The following GRID1 variants were observed in gnomAD, a reference collection of about 807,000 sequenced individuals.
GRID1 encodes the protein glutamate ionotropic receptor delta type subunit 1, also known as glutamate receptor ionotropic, delta-1.
A neutral mutation model predicts 98.0 loss-of-function variants in GRID1; 28 were observed. That is an observed-to-expected ratio of 0.29 (90% confidence interval 0.21 to 0.39). GRID1 has a LOEUF of 0.39. GRID1 is among the 10% of genes least tolerant of loss of function. The probability of loss-of-function intolerance (pLI) is 1.00; values close to 1 mark genes in which losing one functional copy is unlikely to be tolerated. For missense variants in GRID1, 1,111 were observed against 1,340.5 expected, an observed-to-expected ratio of 0.83 and a Z score of 2.67; for synonymous variants, 553 against 538.5, an observed-to-expected ratio of 1.03 and a Z score of -0.37.
intron 4 of GRID1, among the ~76,000 whole-genome samples, chr10:86,124,995 C>T (rs570717760): frequency 6.6e-6 from 1 of 152,314 alleles, no homozygotes; most frequent in Admixed American, 6.5e-5. Context: ...CTTCAGGGAG[C>T]AATCATAAGA....
intron 2 of GRID1, among the ~76,000 whole-genome samples, chr10:86,334,665 T>C (rs1196861645): frequency 1.3e-5 from 2 of 152,250 alleles, no homozygotes; most frequent in Non-Finnish European, 2.9e-5. Context: ...TGCTGGGTTC[T>C]GGGGACATAG....
At position 85,620,014 on chromosome 10, in the gene GRID1, G is replaced by A; in HGVS notation, c.2213C>T (p.Ala738Val). The change falls in exon 14 of 16, where the codon GCC becomes GTC. Residue 738 changes from alanine to valine, a missense_variant. This residue lies in a region of GRID1 where 762 missense variants were observed against 869.1 expected (regional missense o/e 0.88). Coordinates refer to ENST00000327946, the MANE Select transcript of GRID1 (RefSeq NM_017551.3). ...GIRKAKKGNYAFLWDVAVVEY... is the reference protein window; with the variant it reads ...GIRKAKKGNYVFLWDVAVVEY... ...CACCACGGCCACATCCCACAGGAAGGCGTAGTTCCCCTTCTTTGCCTGAAA... is the reference window on the plus strand; with the variant it reads ...CACCACGGCCACATCCCACAGGAAGACGTAGTTCCCCTTCTTTGCCTGAAA... 6.2e-7 allele frequency: 1 copy of A among 1,613,976 alleles called. No individual in the cohort carries two copies. Among genetic ancestry groups the A allele is most frequent in the Non-Finnish European group, 8.5e-7 (1 of 1,179,852 alleles).
intron 2 of GRID1, among the ~76,000 whole-genome samples, chr10:86,309,687 C>G: frequency 1.3e-5 from 2 of 152,298 alleles, no homozygotes; most frequent in South Asian, 4.1e-4. Flanking sequence ...GCAGTGTGGC[C>G]TCTGACCTCC....
chr10:85,917,864 G>C (rs1171820033), intron 4 of GRID1, among the ~76,000 whole-genome samples: 2 of 152,214 alleles, frequency 1.3e-5, no homozygotes, highest in African/African-American at 4.8e-5. Flanking sequence ...GGGCTAAAGA[G>C]CCAGAGCTCA....
chr10:85,996,207 A>G lies in GRID1; in HGVS notation c.727-79968T>C, dbSNP rs147736879. 4.1e-3 allele frequency among the ~76,000 whole-genome samples: 623 copies of G among 152,374 alleles called. 7 individuals carry two copies. The highest frequency in any genetic ancestry group is 0.014 in the African/African-American group (572 of 41,594). On this transcript the variant is annotated intron_variant, in intron 4 of 15. Coordinates refer to ENST00000327946, the MANE Select transcript of GRID1 (RefSeq NM_017551.3). ...AAAATTGCTCAGAATAAGAACAAGC[A>G]AAATCTAAACTCACATGGGAAAAGA...
chr10:85,699,085 C>T (rs531664690), intron 12 of GRID1, among the ~76,000 whole-genome samples: 4 of 152,110 alleles, frequency 2.6e-5, no homozygotes, highest in African/African-American at 9.6e-5. Flanking sequence ...TAGAGTCTCA[C>T]TCTGTGGCCC....
chr10:85,681,873 C>T (rs1841213244), intron 12 of GRID1, among the ~76,000 whole-genome samples: 1 of 152,078 alleles, frequency 6.6e-6, no homozygotes. Context: ...GATGCTCAAC[C>T]AGAGTTGAAC....
chr10:86,088,463 T>C (rs772090564), intron 4 of GRID1, among the ~76,000 whole-genome samples: 28 of 152,224 alleles, frequency 1.8e-4, no homozygotes, highest in Admixed American at 3.3e-4. Context: ...AACTGTACTT[T>C]GACTAATTTT....
At chr10:86,341,872 C>T (rs1174817022) in intron 2 of GRID1, among the ~76,000 whole-genome samples, 1 of 152,208 alleles carries the variant, frequency 6.6e-6, no homozygotes, top group East Asian at 1.9e-4. Flanking sequence ...GGGATCTGGC[C>T]TCAGGGACTT....
chr10:86,062,762 C>T (rs1277113041), intron 4 of GRID1, among the ~76,000 whole-genome samples: 3 of 152,254 alleles, frequency 2.0e-5, no homozygotes, highest in Non-Finnish European at 4.4e-5. Context: ...GAGACTATGG[C>T]TTCCACATCT....
chr10:85,981,277 G>C (rs1253690744), intron 4 of GRID1, among the ~76,000 whole-genome samples: 1 of 152,196 alleles, frequency 6.6e-6, no homozygotes, highest in African/African-American at 2.4e-5. Flanking sequence ...TGACACACAA[G>C]CTGCCAGGAC....
chr10:85,838,008 C>T (rs934209758), intron 8 of GRID1, among the ~76,000 whole-genome samples: 2 of 152,096 alleles, frequency 1.3e-5, no homozygotes, highest in African/African-American at 4.8e-5. Flanking sequence ...ACAAGAATTT[C>T]ATAATGCAAT....
chr10:86,057,213 C>G (rs527689433), intron 4 of GRID1, among the ~76,000 whole-genome samples: 1 of 152,298 alleles, frequency 6.6e-6, no homozygotes, highest in African/African-American at 2.4e-5. Context: ...GAAACCTTTT[C>G]AGAGAACAGG....
chr10:86,234,446 C>T (rs1440754714), intron 2 of GRID1, among the ~76,000 whole-genome samples: 1 of 152,226 alleles, frequency 6.6e-6, no homozygotes, highest in Admixed American at 6.5e-5. Context: ...GAAGGGTCTG[C>T]ACCTCTCACT....
chr10:86,120,021 G>A (rs10788480), intron 4 of GRID1, among the ~76,000 whole-genome samples: 115,068 of 151,778 alleles, frequency 0.76, 44,326 homozygotes, highest in Non-Finnish European at 0.83. Flanking sequence ...AGATGGTCTC[G>A]ATCTCCTGAC....
intron 8 of GRID1, among the ~76,000 whole-genome samples, chr10:85,753,130 A>T (rs1483022485): frequency 3.3e-5 from 5 of 152,204 alleles, no homozygotes; most frequent in Non-Finnish European, 7.4e-5. Context: ...AACATCTAGC[A>T]ATTTCACAGA....
At chr10:86,313,352 C>T (rs777021217) in intron 2 of GRID1, among the ~76,000 whole-genome samples, 1 of 152,208 alleles carries the variant, frequency 6.6e-6, no homozygotes, top group African/African-American at 2.4e-5. Context: ...GATAAGGATA[C>T]AGAGGTTCCT....
intron 2 of GRID1, among the ~76,000 whole-genome samples, chr10:86,259,689 C>T (rs1846982539): frequency 6.6e-6 from 1 of 152,060 alleles, no homozygotes; most frequent in Non-Finnish European, 1.5e-5. Context: ...CACGCACATG[C>T]GTGTGCAAGT....
At chr10:86,153,829 A>G (rs1845204550) in intron 3 of GRID1, among the ~76,000 whole-genome samples, 1 of 152,124 alleles carries the variant, frequency 6.6e-6, no homozygotes, top group Non-Finnish European at 1.5e-5. Context: ...CATCCATCAC[A>G]AACTCGTTAC....
Sources: allele counts gnomAD v4.1 joint callset (sites outside exome capture counted in the v4.1 genomes callset), GRCh38; gene constraint gnomAD v4.1.1; regional missense constraint gnomAD v4.1.1; transcripts MANE v1.5; gene names NCBI Gene and HGNC (gene_info 2026-07-23, HGNC 2026-07-21).